Variants in SLC35F1 observed in about 807,000 individuals in gnomAD.
SLC35F1 encodes chromosome 6 open reading frame 169.
In SLC35F1, 14 loss-of-function variants were observed where a neutral mutation model predicts 48.7. The observed-to-expected ratio is 0.29, with a 90% CI of 0.19 to 0.45. The LOEUF is 0.45. Among genes scored for constraint, SLC35F1 ranks in the 20% least tolerant of loss-of-function variants. The pLI is 1.00. For missense variants in SLC35F1, 404 were observed against 500.0 expected (o/e 0.81, Z 1.83); for synonymous variants, 190 against 202.2 (o/e 0.94, Z 0.51).
chr6:117,925,965 G>C (rs1317648126), intron 1 of SLC35F1, among the ~76,000 whole-genome samples: 1 of 152,112 alleles, frequency 6.6e-6, no homozygotes, highest in African/African-American at 2.4e-5. Context: ...TTCTGAGCCT[G>C]CTTTGCCCAG....
chr6:118,299,058 G>A lies in SLC35F1; in HGVS notation c.1002+13720G>A, dbSNP rs150566004. ...TAGCCGGGCATGGTGGCATGCACCT[G>A]TGGTCCCAGATACTCGGGATGCTAA... On this transcript the variant is annotated intron_variant, in intron 7 of 7. Coordinates refer to ENST00000360388, the MANE Select transcript of SLC35F1 (RefSeq NM_001029858.4). Among the ~76,000 whole-genome samples the A allele has an allele frequency of 2.1e-3, 316 of 152,168 alleles. 3 individuals are homozygous for A. Among genetic ancestry groups the A allele is most frequent in the African/African-American group, 7.2e-3 (298 of 41,526 alleles).
chr6:118,255,504 G>C (rs1169202599), intron 3 of SLC35F1, among the ~76,000 whole-genome samples: 1 of 152,168 alleles, frequency 6.6e-6, no homozygotes, highest in Non-Finnish European at 1.5e-5. Context: ...CTGAGCTAGA[G>C]AGCTTGTGTC....
At chr6:118,248,088 A>G (rs1775530534) in intron 3 of SLC35F1, among the ~76,000 whole-genome samples, 1 of 152,236 alleles carries the variant, frequency 6.6e-6, no homozygotes, top group South Asian at 2.1e-4. Flanking sequence ...TCATTAAACT[A>G]CAACCATAAC....
At chr6:118,108,040 C>T (rs1773349181) in intron 1 of SLC35F1, among the ~76,000 whole-genome samples, 1 of 152,006 alleles carries the variant, frequency 6.6e-6, no homozygotes, top group Non-Finnish European at 1.5e-5. Flanking sequence ...CTGAATCATT[C>T]CAAAAGAATG....
At chr6:117,951,061 C>T (rs1426086014) in intron 1 of SLC35F1, among the ~76,000 whole-genome samples, 3 of 152,094 alleles carry the variant, frequency 2.0e-5, no homozygotes, top group Non-Finnish European at 4.4e-5. Context: ...TTCTTAGGCT[C>T]GAATGGGAAC....
intron 1 of SLC35F1, among the ~76,000 whole-genome samples, chr6:117,933,373 A>G (rs2114813809): frequency 6.6e-6 from 1 of 152,308 alleles, no homozygotes; most frequent in East Asian, 1.9e-4. Flanking sequence ...AAAACAACAC[A>G]CTTAAGGGAC....
At chr6:118,072,537 C>T (rs1233434984) in intron 1 of SLC35F1, among the ~76,000 whole-genome samples, 1 of 151,840 alleles carries the variant, frequency 6.6e-6, no homozygotes, top group Non-Finnish European at 1.5e-5. Flanking sequence ...GCACTCCAGC[C>T]TGGGCGACAG....
At chr6:118,082,756 T>C (rs1173469761) in intron 1 of SLC35F1, among the ~76,000 whole-genome samples, 1 of 152,182 alleles carries the variant, frequency 6.6e-6, no homozygotes, top group African/African-American at 2.4e-5. Flanking sequence ...GAAAAAAAGA[T>C]GGCTACTGAC....
At chr6:118,141,780 C>T (rs1226936741) in intron 1 of SLC35F1, among the ~76,000 whole-genome samples, 4 of 152,138 alleles carry the variant, frequency 2.6e-5, no homozygotes, top group Admixed American at 6.5e-5. Context: ...CAGTCCATTA[C>T]GAGATGGTTT....
At chr6:118,126,667 T>A (rs1053486769) in intron 1 of SLC35F1, among the ~76,000 whole-genome samples, 2 of 151,610 alleles carry the variant, frequency 1.3e-5, no homozygotes, top group South Asian at 2.1e-4. Flanking sequence ...TGAGCAGTGG[T>A]TTGTAGTTCT....
chr6:118,277,432 A>G (rs1775931755), intron 5 of SLC35F1, 62 bp from the exon 6 acceptor site: 2 of 1,428,512 alleles, frequency 1.4e-6, no homozygotes, highest in Admixed American at 1.7e-5. Context: ...GGAAAAAAGA[A>G]AGAAAGAAAG....
At chr6:117,989,687 T>A (rs1410099577) in intron 1 of SLC35F1, among the ~76,000 whole-genome samples, 1 of 152,190 alleles carries the variant, frequency 6.6e-6, no homozygotes, top group East Asian at 1.9e-4. Context: ...ACTACTAAAC[T>A]TAATGTTGGA....
At chr6:118,028,529 G>T (rs890290391) in intron 1 of SLC35F1, among the ~76,000 whole-genome samples, 1 of 152,080 alleles carries the variant, frequency 6.6e-6, no homozygotes, top group Non-Finnish European at 1.5e-5. Flanking sequence ...GGTTTAGAGC[G>T]ACCATATTGA....
chr6:118,063,502 CT>C, intron 1 of SLC35F1, among the ~76,000 whole-genome samples: 1 of 152,132 alleles, frequency 6.6e-6, no homozygotes, highest in African/African-American at 2.4e-5. Context: ...TATTGACATA[CT>C]TTTCAGTTAT....
intron 5 of SLC35F1, 151 bp from the exon 6 acceptor site, chr6:118,277,343 C>T (rs1371872164): frequency 4.3e-6 from 3 of 700,504 alleles, no homozygotes; most frequent in African/African-American, 3.6e-5. Context: ...CCTAATTAGA[C>T]TTGCTTCTGC....
chr6:118,203,967 G>A (rs1456842456), intron 2 of SLC35F1, among the ~76,000 whole-genome samples: 1 of 152,018 alleles, frequency 6.6e-6, no homozygotes. Context: ...GGGAAGACAA[G>A]TTAGCAAGAA....
intron 1 of SLC35F1, among the ~76,000 whole-genome samples, chr6:117,961,838 A>G (rs890170159): frequency 3.9e-5 from 6 of 152,238 alleles, no homozygotes; most frequent in African/African-American, 1.4e-4. Context: ...AACTCAATCA[A>G]TAGCTCTTCC....
intron 1 of SLC35F1, among the ~76,000 whole-genome samples, chr6:118,082,038 T>C (rs73525700): frequency 0.015 from 2,247 of 152,342 alleles, 56 homozygotes; most frequent in African/African-American, 0.052. Context: ...ATCCATTTTC[T>C]TTCTTTAAAG....
At chr6:118,217,848 A>G (rs1562328771) in intron 2 of SLC35F1, among the ~76,000 whole-genome samples, 1 of 152,166 alleles carries the variant, frequency 6.6e-6, no homozygotes, top group Admixed American at 6.5e-5. Flanking sequence ...TCTCTCCCGG[A>G]AATTTCACCT....
Sources: gnomAD v4.1 joint callset for allele counts (sites outside exome capture counted in the v4.1 genomes callset) on GRCh38, gnomAD v4.1.1 for gene constraint, MANE v1.5 for transcripts, NCBI Gene and HGNC (gene_info 2026-07-23, HGNC 2026-07-21) for gene names.